The following FGF10 variants were observed in gnomAD, a reference collection of about 807,000 sequenced individuals.
The protein encoded by FGF10 is FGF-10.
In FGF10, 2 loss-of-function variants were observed where a neutral mutation model predicts 19.8. That is an observed-to-expected ratio of 0.10 (90% confidence interval 0.04 to 0.32). The LOEUF is 0.32. Ranked by LOEUF, FGF10 falls within the 10% of genes least tolerant of loss-of-function variation. The probability of loss-of-function intolerance (pLI) is 1.00; values close to 1 mark genes in which losing one functional copy is unlikely to be tolerated. For missense variants in FGF10, 191 were observed against 246.3 expected, an observed-to-expected ratio of 0.78 and a Z score of 1.50; for synonymous variants, 112 against 94.0, an observed-to-expected ratio of 1.19 and a Z score of -1.10.
intron 1 of FGF10, among the ~76,000 whole-genome samples, chr5:44,350,602 A>G (rs982582436): frequency 6.6e-6 from 1 of 151,142 alleles, no homozygotes; most frequent in African/African-American, 2.4e-5. Flanking sequence ...AGGTGTGTGT[A>G]TATATATAAT....
chr5:44,386,970 C>T (rs1007970655), intron 1 of FGF10, among the ~76,000 whole-genome samples: 45 of 152,316 alleles, frequency 3.0e-4, no homozygotes, highest in Middle Eastern at 3.4e-3. Context: ...AAATGTTTGA[C>T]TGACGTATTT....
At chr5:44,355,898 C>T (rs773861782) in intron 1 of FGF10, among the ~76,000 whole-genome samples, 3 of 151,408 alleles carry the variant, frequency 2.0e-5, no homozygotes, top group Admixed American at 6.6e-5. Flanking sequence ...TCCCAAAAGA[C>T]TTGATCCACT....
chr5:44,344,887 C>T (rs988133979), intron 1 of FGF10, among the ~76,000 whole-genome samples: 2 of 150,502 alleles, frequency 1.3e-5, no homozygotes, highest in Non-Finnish European at 2.9e-5. Flanking sequence ...TGTAGTTTCC[C>T]TGATTCAAGG....
intron 1 of FGF10, among the ~76,000 whole-genome samples, chr5:44,330,255 A>C (rs984286977): frequency 1.3e-5 from 2 of 152,176 alleles, no homozygotes; most frequent in Admixed American, 1.3e-4. Context: ...GTTACAACTG[A>C]GCAAGCCCCC....
intron 1 of FGF10, among the ~76,000 whole-genome samples, chr5:44,324,113 T>C (rs1207471396): frequency 6.6e-6 from 1 of 152,068 alleles, no homozygotes; most frequent in Non-Finnish European, 1.5e-5. Flanking sequence ...TAAGAATAGA[T>C]GATAGATTAA....
intron 2 of FGF10, among the ~76,000 whole-genome samples, chr5:44,306,662 C>A (rs1489365561): frequency 6.6e-6 from 1 of 152,146 alleles, no homozygotes; most frequent in Non-Finnish European, 1.5e-5. Context: ...TAGGATTTAT[C>A]ACAGTTTAGA....
At chr5:44,365,500 A>G (rs1741586831) in intron 1 of FGF10, among the ~76,000 whole-genome samples, 2 of 151,906 alleles carry the variant, frequency 1.3e-5, no homozygotes, top group Admixed American at 1.3e-4. Flanking sequence ...GCTCCATAAA[A>G]TTCCTATTGC....
At chr5:44,340,710 A>G (rs1039182963) in intron 1 of FGF10, among the ~76,000 whole-genome samples, 2 of 152,010 alleles carry the variant, frequency 1.3e-5, no homozygotes, top group African/African-American at 4.8e-5. Flanking sequence ...TGGTGGAATA[A>G]CTTTCTTGAT....
At position 44,303,227 on chromosome 5, in the gene FGF10, C is replaced by CA. The variant is rs1579887963; in HGVS notation, c.*1767dup. On this transcript the variant is annotated 3_prime_UTR_variant, in exon 3 of 3. Transcript: ENST00000264664. ...AAATATGACCTTTTATGGGATTATA[C>CA]AAAAAATTTCTTAATAAAGCAATTT... Among the ~76,000 whole-genome samples the CA allele has an allele frequency of 1.3e-5, 2 of 152,106 alleles. No homozygotes were observed. Among genetic ancestry groups the CA allele is most frequent in the East Asian group, 3.9e-4 (2 of 5,182 alleles).
Position 44,388,765 on chromosome 5 carries a change from G to A in FGF10, c.-83C>T. 6.9e-7 allele frequency: 1 copy of A among 1,441,410 alleles called. No individual in the cohort carries two copies. The highest frequency in any genetic ancestry group is 9.7e-7 in the Non-Finnish European group (1 of 1,033,966). The allele number at this position is 1,441,410 out of a possible 1,614,324, so 89.3% of individuals were successfully genotyped here. ...TAAGACCCGATGCAAGGCAAGGAGA[G>A]AGCTCGAGGTGGTGGCTGCTGGTTA... On this transcript the variant is annotated 5_prime_UTR_variant, in exon 1 of 3. Coordinates refer to ENST00000264664, the MANE Select transcript of FGF10 (RefSeq NM_004465.2).
chr5:44,316,048 C>T (rs1272151979), intron 1 of FGF10, among the ~76,000 whole-genome samples: 1 of 152,202 alleles, frequency 6.6e-6, no homozygotes, highest in East Asian at 1.9e-4. Flanking sequence ...CTCTCCATCA[C>T]TAGCATTACT....
intron 1 of FGF10, among the ~76,000 whole-genome samples, chr5:44,355,897 A>G (rs369789033): frequency 9.2e-5 from 14 of 151,480 alleles, no homozygotes; most frequent in African/African-American, 2.7e-4. Flanking sequence ...TTCCCAAAAG[A>G]CTTGATCCAC....
chr5:44,364,035 G>T (rs1182413848), intron 1 of FGF10, among the ~76,000 whole-genome samples: 1 of 151,762 alleles, frequency 6.6e-6, no homozygotes, highest in Non-Finnish European at 1.5e-5. Flanking sequence ...AAAAAAGAAA[G>T]AAAACACCAG....
chr5:44,370,671 G>A (rs1388303820), intron 1 of FGF10, among the ~76,000 whole-genome samples: 2 of 152,106 alleles, frequency 1.3e-5, no homozygotes, highest in Non-Finnish European at 2.9e-5. Flanking sequence ...ATTACCCTAA[G>A]ACTTGACAAC....
At chr5:44,386,470 A>G (rs919590211) in intron 1 of FGF10, among the ~76,000 whole-genome samples, 1 of 152,192 alleles carries the variant, frequency 6.6e-6, no homozygotes, top group African/African-American at 2.4e-5. Context: ...CACTCTGTCC[A>G]GCCCAATGTT....
chr5:44,327,739 A>G (rs1451082525), intron 1 of FGF10, among the ~76,000 whole-genome samples: 2 of 152,190 alleles, frequency 1.3e-5, no homozygotes, highest in African/African-American at 4.8e-5. Flanking sequence ...CACTTTAGCT[A>G]AAGGGAGGAG....
At position 44,304,770 on chromosome 5, in the gene FGF10, A is replaced by G. The variant is rs1013717364; in HGVS notation, c.*225T>C. On this transcript the variant is annotated 3_prime_UTR_variant, in exon 3 of 3. Transcript: ENST00000264664. ...TTCACTTGGGAATAACTTCTATCCC[A>G]TTCGATCTGCCTATATCTTGATTAT... 17 of 535,352 alleles carry G rather than the reference A, an allele frequency of 3.2e-5. No homozygotes were observed. The highest frequency in any genetic ancestry group is 5.0e-5 in the Non-Finnish European group (15 of 297,118). The allele number at this position is 535,352 out of a possible 1,614,324, so 33.2% of individuals were successfully genotyped here.
intron 1 of FGF10, among the ~76,000 whole-genome samples, chr5:44,369,872 T>G (rs887671448): frequency 6.6e-6 from 1 of 152,168 alleles, no homozygotes; most frequent in Non-Finnish European, 1.5e-5. Context: ...ATGAAATTCA[T>G]TCTGCCAAAT....
rs1739975682 is a variant in FGF10, at chr5:44,302,064, C to T, written c.*2931G>A. Among the ~76,000 whole-genome samples, 1 of 150,816 alleles carries T rather than the reference C, an allele frequency of 6.6e-6. No homozygotes were observed. The highest frequency in any genetic ancestry group is 2.4e-5 in the African/African-American group (1 of 41,122). On this transcript the variant is annotated 3_prime_UTR_variant, in exon 3 of 3. Coordinates refer to ENST00000264664, the MANE Select transcript of FGF10 (RefSeq NM_004465.2). Reference sequence around the variant, plus strand: ...CATACTCCTACAGAGGCAGATCTCTCAATAGCTCCAATTTTTTTTTTTTTC... The same window carrying T: ...CATACTCCTACAGAGGCAGATCTCTTAATAGCTCCAATTTTTTTTTTTTTC...
Sources: gnomAD v4.1 joint callset for allele counts (sites outside exome capture counted in the v4.1 genomes callset) on GRCh38, gnomAD v4.1.1 for gene constraint, MANE v1.5 for transcripts, NCBI Gene and HGNC (gene_info 2026-07-23, HGNC 2026-07-21) for gene names.